MTMR8: variants seen among roughly 807,000 people sequenced by gnomAD.
MTMR8 encodes the protein phosphatidylinositol-3,5-bisphosphate 3-phosphatase MTMR8.
In MTMR8, 65 loss-of-function variants were observed where a neutral mutation model predicts 39.3. The ratio of observed to expected loss-of-function variants is 1.65; its 90% CI spans 1.35 to 2.03. MTMR8 has a LOEUF of 2.03. Ranked by LOEUF, MTMR8 falls within the 30% of genes most tolerant of loss-of-function variation. The probability of loss-of-function intolerance (pLI) is 0.00; values close to 1 mark genes in which losing one functional copy is unlikely to be tolerated. For missense variants in MTMR8, 777 were observed against 538.9 expected (o/e 1.44, Z -4.37); for synonymous variants, 245 against 185.2 (o/e 1.32, Z -2.62).
intron 12 of MTMR8, among the ~76,000 whole-genome samples, chrX:64,320,359 G>C (rs900760338): frequency 1.5e-4 from 17 of 110,674 alleles, no homozygotes; most frequent in African/African-American, 5.6e-4. Context: ...GGCGGCCTTG[G>C]AGATGGTAGT....
chrX:64,321,651 G>A (rs1311741871), intron 12 of MTMR8, among the ~76,000 whole-genome samples: 1 of 111,593 alleles, frequency 9.0e-6, no homozygotes, highest in Non-Finnish European at 1.9e-5. Context: ...ATAGAAAGGA[G>A]CGGAAAGAAT....
At chrX:64,308,471 C>G (rs1922196449) in intron 12 of MTMR8, among the ~76,000 whole-genome samples, 1 of 109,171 alleles carries the variant, frequency 9.2e-6, no homozygotes, top group Non-Finnish European at 1.9e-5. Flanking sequence ...GCCCAGCTGA[C>G]AGGGCATAAT....
chrX:64,357,306 A>T (rs1923651343), intron 2 of MTMR8, among the ~76,000 whole-genome samples: 1 of 110,993 alleles, frequency 9.0e-6, no homozygotes, highest in Non-Finnish European at 1.9e-5. Context: ...CTCTCCCATC[A>T]CCTCAATGCC....
chrX:64,372,443 A>G (rs1924152942), intron 1 of MTMR8, among the ~76,000 whole-genome samples: 1 of 111,498 alleles, frequency 9.0e-6, no homozygotes, highest in Non-Finnish European at 1.9e-5. Flanking sequence ...ATACATACAT[A>G]CCACAAAACT....
chrX:64,319,676 C>T (rs773295320), intron 12 of MTMR8, among the ~76,000 whole-genome samples: 7 of 111,077 alleles, frequency 6.3e-5, no homozygotes, highest in South Asian at 7.7e-4. Flanking sequence ...TTCCCCATTG[C>T]TTTTTTTTGT....
chrX:64,304,528 C>A (rs1232608450), intron 12 of MTMR8, among the ~76,000 whole-genome samples: 1 of 110,974 alleles, frequency 9.0e-6, no homozygotes, highest in Non-Finnish European at 1.9e-5. Flanking sequence ...GGCTCATTTT[C>A]CTTTTACTTA....
chrX:64,349,961 T>G lies in MTMR8; in HGVS notation c.578A>C (p.Tyr193Ser). ...ACTTACATTGTTCTCTTTGTAGAGGTAGGAGAGCACAGGGACACGTTCTTT... is the reference window on the plus strand; with the variant it reads ...ACTTACATTGTTCTCTTTGTAGAGGGAGGAGAGCACAGGGACACGTTCTTT... ...RSKERVPVLS[Y>S]LYKENNAAIC... The change falls in exon 5 of 14, where the codon TAC becomes TCC. Residue 193 changes from tyrosine (Y) to serine (S), a missense_variant. Coordinates refer to ENST00000374852, the MANE Select transcript of MTMR8 (RefSeq NM_017677.4). The G allele has an allele frequency of 2.5e-6, 3 of 1,186,591 alleles. No homozygotes were observed. The highest frequency in any genetic ancestry group is 3.4e-6 in the Non-Finnish European group (3 of 882,500).
chrX:64,303,301 A>G (rs1161460430), intron 12 of MTMR8, among the ~76,000 whole-genome samples: 1 of 112,059 alleles, frequency 8.9e-6, no homozygotes, highest in African/African-American at 3.2e-5. Flanking sequence ...TCTCCAAGAC[A>G]GCCTAGCTTG....
intron 13 of MTMR8, 35 bp downstream of exon 13, chrX:64,270,912 G>T: frequency 8.3e-7 from 1 of 1,198,417 alleles, no homozygotes; most frequent in East Asian, 3.0e-5. Context: ...CCCAGAAGGG[G>T]CAAGAAGATC....
Position 64,356,276 on chromosome X carries a change from CA to C in MTMR8, c.209del (p.Leu70ArgfsTer15), listed in dbSNP as rs772293193. ...CCCGGAAATTCTTGCAGCGGAGGGT[CA>C]GGGGACAACCCAGGCTAGTGATGGG... ...KLPITSLGCP[L>X]TLRCKNFRVA... On this transcript the variant is annotated frameshift_variant, in exon 3 of 14. Transcript: ENST00000374852. LOFTEE classifies it high-confidence loss of function. The C allele has an allele frequency of 2.5e-6, 3 of 1,208,030 alleles. No individual in the cohort carries two copies. The highest frequency in any genetic ancestry group is 3.4e-6 in the Non-Finnish European group (3 of 894,269).
At chrX:64,356,883 G>T (rs1463311701) in intron 2 of MTMR8, among the ~76,000 whole-genome samples, 1 of 110,826 alleles carries the variant, frequency 9.0e-6, no homozygotes, top group Non-Finnish European at 1.9e-5. Flanking sequence ...ATATAGCCAA[G>T]AAGTGGCACA....
At chrX:64,276,445 C>A (rs992247577) in intron 12 of MTMR8, among the ~76,000 whole-genome samples, 3 of 111,436 alleles carry the variant, frequency 2.7e-5, no homozygotes, top group Non-Finnish European at 5.7e-5. Context: ...TCCCTCTAAA[C>A]GCTGTGTCTT....
chrX:64,355,752 G>A (rs947829632), intron 3 of MTMR8, among the ~76,000 whole-genome samples: 1 of 110,941 alleles, frequency 9.0e-6, no homozygotes, highest in Non-Finnish European at 1.9e-5. Context: ...AACTGCCTTA[G>A]TCTTCTAGTT....
In MTMR8 at chrX:64,364,146, A is replaced by T. The variant is rs147034642; in HGVS notation, c.25-4619T>A. Among the ~76,000 whole-genome samples the T allele has an allele frequency of 3.6e-5, 4 of 112,671 alleles. No individual in the cohort carries two copies. The East Asian group carries it at 1.1e-3, about 32-fold the overall frequency. ...AAGGCCTGCTGCCTCTCTAGAGCCC[A>T]ACTCTGGGGCAGGGCATAGCTGAAC... On this transcript the variant is annotated intron_variant, in intron 1 of 13. Transcript: ENST00000374852.
intron 12 of MTMR8, among the ~76,000 whole-genome samples, chrX:64,302,314 G>C (rs1921916963): frequency 2.7e-5 from 3 of 112,503 alleles, no homozygotes; most frequent in African/African-American, 3.2e-5. Context: ...ATTCGGGTTG[G>C]AGTGACCCAA....
At chrX:64,373,636 C>A (rs1433732152) in intron 1 of MTMR8, among the ~76,000 whole-genome samples, 1 of 111,320 alleles carries the variant, frequency 9.0e-6, no homozygotes, top group African/African-American at 3.3e-5. Context: ...CTGCCACAGA[C>A]TTATTAACCG....
rs777019798 is a variant in MTMR8 at position 64,345,349 on chromosome X, G to A, written c.733-172C>T. Among the ~76,000 whole-genome samples the A allele has an allele frequency of 3.6e-5, 4 of 111,712 alleles. No individual in the cohort carries two copies. In the East Asian group the frequency reaches 1.1e-3, roughly 32 times the overall value. ...AGAATTTCACTAGTTTTTACATCAG[G>A]TACTTTTAGTAACAGACTCATATAG... On this transcript the variant is annotated intron_variant, in intron 6 of 13. Coordinates refer to ENST00000374852, the MANE Select transcript of MTMR8 (RefSeq NM_017677.4).
At chrX:64,346,850 C>A (rs191408465) in intron 6 of MTMR8, among the ~76,000 whole-genome samples, 1 of 110,614 alleles carries the variant, frequency 9.0e-6, no homozygotes, top group Non-Finnish European at 1.9e-5. Flanking sequence ...AAGATACAGA[C>A]GCGATTAAAC....
Position 64,324,768 on chromosome X carries a change from C to G in MTMR8, c.1481+4004G>C, listed in dbSNP as rs778578478. On this transcript the variant is annotated intron_variant, in intron 12 of 13. Coordinates refer to ENST00000374852, the MANE Select transcript of MTMR8 (RefSeq NM_017677.4). ...TCCCTTCGCTGACTCTCTTTTCGGA[C>G]TCAGCCCGCCTGCACCCAGGTGAAA... Among the ~76,000 whole-genome samples, 388 of 96,459 alleles carry G rather than the reference C, an allele frequency of 4.0e-3. 4 individuals are homozygous for G. Among genetic ancestry groups the G allele is most frequent in the African/African-American group, 0.015 (362 of 23,836 alleles). The allele number at this position is 96,459 out of a possible 115,157, so 83.8% of individuals were successfully genotyped here.
Sources: allele counts gnomAD v4.1 joint callset (sites outside exome capture counted in the v4.1 genomes callset), GRCh38; gene constraint gnomAD v4.1.1; transcripts MANE v1.5; gene names NCBI Gene and HGNC (gene_info 2026-07-23, HGNC 2026-07-21).